Variants in BRINP1 observed in about 807,000 individuals in gnomAD.
The protein encoded by BRINP1 is BMP/retinoic acid inducible neural specific 1, also known as BMP/retinoic acid-inducible neural-specific protein 1.
In BRINP1, 17 loss-of-function variants were observed where a neutral mutation model predicts 72.9. The ratio of observed to expected loss-of-function variants is 0.23; its 90% CI spans 0.16 to 0.35. BRINP1 has a LOEUF of 0.35. Among genes scored for constraint, BRINP1 ranks in the 10% least tolerant of loss-of-function variants. BRINP1 has a pLI of 1.00. For missense variants in BRINP1, 850 were observed against 1,001.6 expected, an observed-to-expected ratio of 0.85 and a Z score of 2.04; for synonymous variants, 418 against 378.5, an observed-to-expected ratio of 1.10 and a Z score of -1.21.
intron 1 of BRINP1, among the ~76,000 whole-genome samples, chr9:119,346,961 T>A (rs983670176): frequency 6.6e-6 from 1 of 152,174 alleles, no homozygotes; most frequent in African/African-American, 2.4e-5. Flanking sequence ...ATGTGGAGGT[T>A]GTTAACTAGC....
intron 7 of BRINP1, among the ~76,000 whole-genome samples, chr9:119,190,176 T>A (rs1829668059): frequency 6.6e-6 from 1 of 151,798 alleles, no homozygotes; most frequent in African/African-American, 2.4e-5. Context: ...CAAAAGAAGT[T>A]ATCAGAGGGA....
rs563047029 is a variant in BRINP1, at chr9:119,333,668, AG to A, written c.-50-20264del. On this transcript the variant is annotated intron_variant, in intron 1 of 7. Transcript: ENST00000265922. ...AGGAGAGAAGGGCTTGTCCTAAACG[AG>A]GGGACACTGAGTATTCACTGAAGTT... Among the ~76,000 whole-genome samples, 21 of 152,220 alleles carry A rather than the reference AG, an allele frequency of 1.4e-4. No homozygotes were observed. In the South Asian group the frequency reaches 3.3e-3, roughly 24 times the overall value.
intron 1 of BRINP1, among the ~76,000 whole-genome samples, chr9:119,321,079 T>C (rs1238261637): frequency 1.3e-5 from 2 of 152,098 alleles, no homozygotes; most frequent in East Asian, 1.9e-4. Flanking sequence ...TACAGGCGCC[T>C]GCCACTGTGC....
intron 2 of BRINP1, among the ~76,000 whole-genome samples, chr9:119,265,078 A>G (rs1288123819): frequency 6.6e-6 from 1 of 152,170 alleles, no homozygotes; most frequent in Non-Finnish European, 1.5e-5. Flanking sequence ...CTTCCAAGTT[A>G]TCTTACCCAC....
chr9:119,255,159 G>A (rs1170135754), intron 2 of BRINP1, among the ~76,000 whole-genome samples: 9 of 152,328 alleles, frequency 5.9e-5, no homozygotes, highest in Admixed American at 2.6e-4. Flanking sequence ...CTGCTGGCCC[G>A]GGAACAATTT....
At chr9:119,268,943 G>GAA (rs1025521426) in intron 2 of BRINP1, among the ~76,000 whole-genome samples, 1 of 152,174 alleles carries the variant, frequency 6.6e-6, no homozygotes, top group Non-Finnish European at 1.5e-5. Flanking sequence ...AAATGTAGTT[G>GAA]AAAAAGGATA....
intron 1 of BRINP1, among the ~76,000 whole-genome samples, chr9:119,350,902 CTT>C (rs796162745): frequency 5.6e-4 from 79 of 141,966 alleles, no homozygotes; most frequent in Non-Finnish European, 4.9e-4. Flanking sequence ...GTATTTATGT[CTT>C]TTTTTTTTTT....
At chr9:119,198,513 CT>C (rs1163598595) in intron 7 of BRINP1, among the ~76,000 whole-genome samples, 1 of 152,060 alleles carries the variant, frequency 6.6e-6, no homozygotes, top group Admixed American at 6.5e-5. Context: ...TTCTTAAGTT[CT>C]TTTTTTCTTT....
chr9:119,243,349 C>T (rs1165458587), intron 3 of BRINP1, among the ~76,000 whole-genome samples: 1 of 152,106 alleles, frequency 6.6e-6, no homozygotes, highest in African/African-American at 2.4e-5. Context: ...TAATGGCTTC[C>T]AGCTCCATAC....
chr9:119,331,398 T>A lies in BRINP1; in HGVS notation c.-50-17993A>T, dbSNP rs1254327406. On this transcript the variant is annotated intron_variant, in intron 1 of 7. Coordinates refer to ENST00000265922, the MANE Select transcript of BRINP1 (RefSeq NM_014618.3). ...ATCACATGATTTTGTTGTTTTGGGT[T>A]TTGGATTTTTCTTGCCTTAAAACAA... Among the ~76,000 whole-genome samples, 5 of 152,238 alleles carry A rather than the reference T, an allele frequency of 3.3e-5. 1 individual carries two copies. The highest frequency in any genetic ancestry group is 2.6e-4 in the Admixed American group (4 of 15,284).
At chr9:119,208,240 A>C (rs1263075926) in intron 7 of BRINP1, among the ~76,000 whole-genome samples, 1 of 152,094 alleles carries the variant, frequency 6.6e-6, no homozygotes, top group Non-Finnish European at 1.5e-5. Flanking sequence ...GTGTCTCCTG[A>C]CATTTTGTAT....
At chr9:119,243,490 T>C (rs1830280445) in intron 3 of BRINP1, among the ~76,000 whole-genome samples, 1 of 152,226 alleles carries the variant, frequency 6.6e-6, no homozygotes, top group South Asian at 2.1e-4. Context: ...TCTTTGCTAT[T>C]GTGAATAGTG....
chr9:119,271,657 G>A (rs1028900215), intron 2 of BRINP1, among the ~76,000 whole-genome samples: 1 of 151,994 alleles, frequency 6.6e-6, no homozygotes, highest in African/African-American at 2.4e-5. Context: ...GGAAAAAAGA[G>A]AGAGAAAAAA....
At chr9:119,261,452 G>A (rs925601122) in intron 2 of BRINP1, among the ~76,000 whole-genome samples, 8 of 152,052 alleles carry the variant, frequency 5.3e-5, no homozygotes, top group Non-Finnish European at 1.2e-4. Flanking sequence ...TGAGTTCATT[G>A]GACAGTACTC....
At chr9:119,220,657 G>A (rs965878214) in intron 5 of BRINP1, among the ~76,000 whole-genome samples, 1 of 152,194 alleles carries the variant, frequency 6.6e-6, no homozygotes, top group African/African-American at 2.4e-5. Flanking sequence ...GTCCTTGATT[G>A]ATGATTAAAA....
intron 2 of BRINP1, among the ~76,000 whole-genome samples, chr9:119,279,792 G>A (rs765173775): frequency 2.5e-4 from 38 of 152,100 alleles, no homozygotes; most frequent in African/African-American, 3.6e-4. Flanking sequence ...TGGAAATTGC[G>A]TTCATGCCAA....
At chr9:119,325,308 A>G (rs886867902) in intron 1 of BRINP1, among the ~76,000 whole-genome samples, 5 of 152,164 alleles carry the variant, frequency 3.3e-5, no homozygotes, top group South Asian at 2.1e-4. Context: ...CACCCTCTCA[A>G]ACTTTCCTGT....
intron 5 of BRINP1, among the ~76,000 whole-genome samples, chr9:119,231,595 G>T (rs1830149239): frequency 6.6e-6 from 1 of 152,012 alleles, no homozygotes; most frequent in Admixed American, 6.6e-5. Flanking sequence ...GAATTCCATT[G>T]AAAACATCCT....
intron 5 of BRINP1, among the ~76,000 whole-genome samples, chr9:119,237,546 T>C (rs1489649409): frequency 6.6e-6 from 1 of 151,842 alleles, no homozygotes; most frequent in Non-Finnish European, 1.5e-5. Flanking sequence ...GTATTTTTAG[T>C]AGAGACGGGG....
Sources: gnomAD v4.1 joint callset for allele counts (sites outside exome capture counted in the v4.1 genomes callset) on GRCh38, gnomAD v4.1.1 for gene constraint, MANE v1.5 for transcripts, NCBI Gene and HGNC (gene_info 2026-07-23, HGNC 2026-07-21) for gene names.